The following RTL4 variants were observed in gnomAD, a reference collection of about 807,000 sequenced individuals.
The protein encoded by RTL4 is retrotransposon Gag like 4.
RTL4 carries 4 observed loss-of-function variants against 5.3 expected under a neutral mutation model. That is an observed-to-expected ratio of 0.75 (90% confidence interval 0.37 to 1.72). The LOEUF (loss-of-function observed/expected upper bound fraction) is 1.72, where lower values mean the gene tolerates loss of function less well. Ranked by LOEUF, RTL4 falls within the 40% of genes most tolerant of loss-of-function variation. RTL4 has a pLI of 0.04. For synonymous variants in RTL4, 98 were observed against 87.3 expected (o/e 1.12, Z -0.68); for missense variants, 260 against 227.1 (o/e 1.14, Z -0.93).
chrX:112,327,448 T>C, the RTL4 span, among the ~76,000 whole-genome samples: 1 of 109,115 alleles, frequency 9.2e-6, no homozygotes, highest in East Asian at 2.9e-4. Context: ...AGAAGGGAAG[T>C]TTAGAGAAAA....
the RTL4 span, among the ~76,000 whole-genome samples, chrX:112,357,933 T>C: frequency 1.8e-5 from 2 of 111,813 alleles, no homozygotes; most frequent in African/African-American, 6.5e-5. Context: ...CTGATTCTTA[T>C]GTTTGGAGCC....
chrX:112,245,700 A>G, the RTL4 span, among the ~76,000 whole-genome samples: 1 of 112,217 alleles, frequency 8.9e-6, no homozygotes, highest in Non-Finnish European at 1.9e-5. Context: ...ACTTCTGTCA[A>G]CTTGTCAAAG....
the RTL4 span, among the ~76,000 whole-genome samples, chrX:112,112,963 A>T: frequency 8.9e-6 from 1 of 111,742 alleles, no homozygotes; most frequent in African/African-American, 3.3e-5. Context: ...ACAACTGGAT[A>T]TAGAGGAATT....
At chrX:112,315,905 G>C in the RTL4 span, among the ~76,000 whole-genome samples, 2 of 111,799 alleles carry the variant, frequency 1.8e-5, no homozygotes, top group Admixed American at 1.9e-4. Flanking sequence ...GAGTATCTTT[G>C]TACATGTCTA....
the RTL4 span, among the ~76,000 whole-genome samples, chrX:112,425,773 G>T: frequency 1.6e-4 from 18 of 111,072 alleles, no homozygotes; most frequent in Admixed American, 1.7e-3. Context: ...TTTTAATCAG[G>T]TTTTTAAAAA....
chrX:112,119,465 C>A, the RTL4 span, among the ~76,000 whole-genome samples: 1 of 110,588 alleles, frequency 9.0e-6, no homozygotes, highest in Admixed American at 9.7e-5. Flanking sequence ...ATATGTAAAC[C>A]CATTGGCCTT....
chrX:112,198,144 G>A, the RTL4 span, among the ~76,000 whole-genome samples: 2 of 111,591 alleles, frequency 1.8e-5, no homozygotes, highest in Middle Eastern at 4.7e-3. Flanking sequence ...TCCACGGGGG[G>A]AAGCATGCTC....
At chrX:112,257,873 G>GTATA in the RTL4 span, among the ~76,000 whole-genome samples, 4,835 of 102,496 alleles carry the variant, frequency 0.047, 301 homozygotes, top group African/African-American at 0.16. Context: ...TCAAAACTGT[G>GTATA]TATATATATA....
At chrX:112,185,396 TATATATAC>T in the RTL4 span, among the ~76,000 whole-genome samples, 2 of 100,675 alleles carry the variant, frequency 2.0e-5, no homozygotes, top group African/African-American at 7.5e-5. Context: ...TATATATATA[TATATATAC>T]ACACACACAC....
chrX:112,198,786 A>T, the RTL4 span, among the ~76,000 whole-genome samples: 4 of 111,155 alleles, frequency 3.6e-5, no homozygotes. Context: ...TATATCAGAG[A>T]TAGAGCATGT....
At chrX:112,443,137 C>G in the RTL4 span, among the ~76,000 whole-genome samples, 3 of 111,703 alleles carry the variant, frequency 2.7e-5, no homozygotes, top group African/African-American at 9.8e-5. Flanking sequence ...TCTGCAGATT[C>G]AATTGTTTTG....
At chrX:112,212,880 G>C in the RTL4 span, among the ~76,000 whole-genome samples, 1 of 112,206 alleles carries the variant, frequency 8.9e-6, no homozygotes, top group Middle Eastern at 4.6e-3. Flanking sequence ...ACATAATTAC[G>C]GTGCTATATA....
chrX:112,099,098 A>G, the RTL4 span, among the ~76,000 whole-genome samples: 1 of 111,946 alleles, frequency 8.9e-6, no homozygotes, highest in Non-Finnish European at 1.9e-5. Flanking sequence ...TGAACAGGCA[A>G]CCTACACAAT....
chrX:112,098,976 A>G, the RTL4 span, among the ~76,000 whole-genome samples: 1 of 112,149 alleles, frequency 8.9e-6, no homozygotes, highest in South Asian at 3.7e-4. Flanking sequence ...AGGCATGGGC[A>G]AGGACTTCAT....
chrX:112,158,454 C>T, the RTL4 span, among the ~76,000 whole-genome samples: 1 of 107,621 alleles, frequency 9.3e-6, no homozygotes, highest in Admixed American at 1.0e-4. Flanking sequence ...ATACATAATA[C>T]ATATATATAT....
the RTL4 span, among the ~76,000 whole-genome samples, chrX:112,389,723 A>G: frequency 9.0e-6 from 1 of 110,680 alleles, no homozygotes; most frequent in Non-Finnish European, 1.9e-5. Flanking sequence ...AGTAATTTTC[A>G]TAGTTTTAAC....
chrX:112,436,669 A>ATT, the RTL4 span, among the ~76,000 whole-genome samples: 1 of 104,929 alleles, frequency 9.5e-6, no homozygotes. Context: ...AGAGAAGGAC[A>ATT]TTTTTTTTTT....
the RTL4 span, among the ~76,000 whole-genome samples, chrX:112,090,017 A>T: frequency 0.086 from 9,497 of 110,865 alleles, 766 homozygotes; most frequent in African/African-American, 0.25. Flanking sequence ...TGATTACTAA[A>T]TTGTTTTCTG....
the RTL4 span, among the ~76,000 whole-genome samples, chrX:112,125,290 T>C: frequency 1.3e-4 from 15 of 111,490 alleles, 1 homozygote; most frequent in Admixed American, 1.4e-3. Flanking sequence ...AGAAAGTGGA[T>C]TAAGAAATCT....
Sources: allele counts gnomAD v4.1 joint callset (sites outside exome capture counted in the v4.1 genomes callset), GRCh38; gene constraint gnomAD v4.1.1; transcripts MANE v1.5; gene names NCBI Gene and HGNC (gene_info 2026-07-23, HGNC 2026-07-21).